ZNF726: variants seen among roughly 807,000 people sequenced by gnomAD.
ZNF726 encodes the protein zinc finger protein 726.
ZNF726 carries 15 observed loss-of-function variants against 11.6 expected under a neutral mutation model. The observed-to-expected ratio is 1.29, with a 90% CI of 0.86 to 1.99. The LOEUF is 1.99. Among genes scored for constraint, ZNF726 ranks in the 30% most tolerant of loss-of-function variants. The probability of loss-of-function intolerance (pLI) is 0.00; values close to 1 mark genes in which losing one functional copy is unlikely to be tolerated. For synonymous variants in ZNF726, 295 were observed against 243.6 expected (o/e 1.21, Z -1.96); for missense variants, 890 against 725.6 (o/e 1.23, Z -2.60).
downstream of ZNF726, among the ~76,000 whole-genome samples, chr19:23,937,245 ACCTC>A (rs1304970783): frequency 4.5e-4 from 60 of 134,126 alleles, no homozygotes; most frequent in African/African-American, 9.6e-4. Context: ...GCTGACCCCC[ACCTC>A]CCTCCCAGCC....
chr19:23,931,247 C>A (rs1251472569), intron 3 of ZNF726, among the ~76,000 whole-genome samples: 1 of 152,242 alleles, frequency 6.6e-6, no homozygotes, highest in Non-Finnish European at 1.5e-5. Context: ...GCCGGGATTA[C>A]AGGCATGAGC....
downstream of ZNF726, among the ~76,000 whole-genome samples, chr19:23,939,092 C>T (rs926393297): frequency 1.3e-5 from 2 of 151,918 alleles, no homozygotes; most frequent in African/African-American, 4.8e-5. Flanking sequence ...TATACTGCAC[C>T]ATATATGTTG....
intron 1 of ZNF726, among the ~76,000 whole-genome samples, chr19:23,915,250 C>T (rs1252856691): frequency 1.3e-5 from 2 of 152,096 alleles, no homozygotes; most frequent in Non-Finnish European, 2.9e-5. Flanking sequence ...CAGCTCTGCA[C>T]CAGTAGCCCC....
chr19:23,920,069 G>A lies in ZNF726; in HGVS notation c.213G>A (p.Val71=), dbSNP rs896062558. The part of the protein sequence containing the change: ...EPWNMKRDEM[V]DEPPGICPHF... The stretch of plus-strand genomic sequence containing the variant: ...GGAATATGAAGCGAGATGAGATGGT[G>A]GATGAACCCCCAGGTAGGTGAGAGT... The change falls in exon 3 of 4, where the codon GTG becomes GTA. Residue 71 remains valine (V), a synonymous_variant. Coordinates refer to ENST00000594466, the MANE Select transcript of ZNF726 (RefSeq NM_001244038.2). 3.8e-6 allele frequency: 6 copies of A among 1,582,824 alleles called. No individual in the cohort carries two copies. Among genetic ancestry groups the A allele is most frequent in the Middle Eastern group, 1.7e-4 (1 of 5,894 alleles).
chr19:23,936,504 T>C (rs1475006430), downstream of ZNF726, among the ~76,000 whole-genome samples: 3 of 152,090 alleles, frequency 2.0e-5, no homozygotes, highest in African/African-American at 7.2e-5. Flanking sequence ...ATGTGACTAA[T>C]TGTAGCTGCA....
At chr19:23,918,293 C>CT (rs1353106993) in intron 1 of ZNF726, among the ~76,000 whole-genome samples, 1 of 152,110 alleles carries the variant, frequency 6.6e-6, no homozygotes, top group Non-Finnish European at 1.5e-5. Context: ...AGAATAATTT[C>CT]TTACAGTATT....
In ZNF726 at chr19:23,932,695, CA is replaced by C. The variant is rs765092641; in HGVS notation, c.580del (p.Ile194TyrfsTer56). Reference protein sequence around the residue: ...MFSHKTQHKSIYTTEKSYKCK... With the variant: ...MFSHKTQHKSXYTTEKSYKCK... ...TTTCACACAAAACCCAGCATAAAAG[CA>C]TATATACTACAGAGAAGTCCTACAA... On this transcript the variant is annotated frameshift_variant, in exon 4 of 4. Transcript: ENST00000594466. LOFTEE classifies it low-confidence loss of function (END_TRUNC). The C allele has an allele frequency of 1.9e-6, 3 of 1,600,114 alleles. No homozygotes were observed. Among genetic ancestry groups the C allele is most frequent in the Non-Finnish European group, 2.6e-6 (3 of 1,175,858 alleles).
rs543650451 is a variant in ZNF726, at chr19:23,934,308, G to A, written c.*341G>A. On this transcript the variant is annotated 3_prime_UTR_variant, in exon 4 of 4. Transcript: ENST00000594466. ...CACACTGGAGAGAAACCTTACAAAT[G>A]TGAGGAATGTGGCAAAGCCTTTAAA... The A allele has an allele frequency of 6.6e-6, 4 of 606,984 alleles. No homozygotes were observed. The highest frequency in any genetic ancestry group is 1.8e-5 in the African/African-American group (1 of 54,902). 37.6% of individuals were successfully genotyped at this position (606,984 alleles called of 1,614,324 possible). A position where few individuals can be genotyped will look rare whatever the true frequency, so the allele number is the denominator to read the frequency against.
At chr19:23,926,004 C>T (rs1049021438) in intron 3 of ZNF726, among the ~76,000 whole-genome samples, 1 of 152,102 alleles carries the variant, frequency 6.6e-6, no homozygotes, top group Non-Finnish European at 1.5e-5. Flanking sequence ...TGTGAGCCAC[C>T]ACGCCCGGCT....
intron 3 of ZNF726, among the ~76,000 whole-genome samples, chr19:23,939,935 G>C (rs1421608485): frequency 1.5e-5 from 2 of 137,562 alleles, no homozygotes; most frequent in Non-Finnish European, 3.1e-5. Flanking sequence ...TCCTTTGGCA[G>C]ATGTATAGAT....
At chr19:23,942,549 C>A (rs1968354983) in intron 3 of ZNF726, among the ~76,000 whole-genome samples, 1 of 152,152 alleles carries the variant, frequency 6.6e-6, no homozygotes, top group African/African-American at 2.4e-5. Flanking sequence ...CTAGTGCTGT[C>A]AGTGGAGTAT....
chr19:23,931,801 C>G (rs1442448709), intron 3 of ZNF726, among the ~76,000 whole-genome samples: 1 of 152,078 alleles, frequency 6.6e-6, no homozygotes, highest in Admixed American at 6.6e-5. Context: ...TGTTCCTTTT[C>G]TGTGGTACTG....
chr19:23,929,609 G>A (rs1968062131), intron 3 of ZNF726, among the ~76,000 whole-genome samples: 1 of 152,090 alleles, frequency 6.6e-6, no homozygotes, highest in South Asian at 2.1e-4. Flanking sequence ...GATGAGTCTT[G>A]GGTTGGGACA....
chr19:23,926,858 G>T (rs150990691), intron 3 of ZNF726, among the ~76,000 whole-genome samples: 160 of 152,136 alleles, frequency 1.1e-3, no homozygotes, highest in African/African-American at 3.6e-3. Context: ...ATTTTAATGT[G>T]TTTCAAAATC....
At chr19:23,926,167 GT>G (rs917456098) in intron 3 of ZNF726, among the ~76,000 whole-genome samples, 1 of 151,932 alleles carries the variant, frequency 6.6e-6, no homozygotes, top group Non-Finnish European at 1.5e-5. Flanking sequence ...TAAATTTTTT[GT>G]TTTTTTCTTT....
intron 3 of ZNF726, chr19:23,943,480 T>C (rs1312440517): frequency 1.7e-6 from 1 of 598,620 alleles, no homozygotes; most frequent in South Asian, 2.1e-5. Context: ...TATTACTTTT[T>C]TCTAACAAAA....
chr19:23,915,994 A>G (rs1000711632), intron 1 of ZNF726, among the ~76,000 whole-genome samples: 17 of 152,234 alleles, frequency 1.1e-4, no homozygotes, highest in African/African-American at 3.9e-4. Flanking sequence ...CTGCCAATGT[A>G]GTAATTTACA....
downstream of ZNF726, chr19:23,935,241 C>T (rs756322531): frequency 2.2e-6 from 1 of 461,986 alleles, no homozygotes; most frequent in South Asian, 1.5e-5. Flanking sequence ...ATCTTTTAAC[C>T]TGTCTTCAAC....
At chr19:23,920,131 C>T (rs1967807009) in intron 3 of ZNF726, 49 bp downstream of exon 3, 2 of 1,320,824 alleles carry the variant, frequency 1.5e-6, no homozygotes, top group Admixed American at 1.8e-5. Context: ...GGTCCAACGT[C>T]AAGAAGAAAG....
Sources: allele counts gnomAD v4.1 joint callset (sites outside exome capture counted in the v4.1 genomes callset), GRCh38; gene constraint gnomAD v4.1.1; transcripts MANE v1.5; gene names NCBI Gene and HGNC (gene_info 2026-07-23, HGNC 2026-07-21).